The following VCL variants were observed in gnomAD, a reference collection of about 807,000 sequenced individuals.
VCL encodes epididymis luminal protein 114.
Under a neutral mutation model 125.7 loss-of-function variants are expected in VCL, and 47 were observed. The ratio of observed to expected loss-of-function variants is 0.37; its 90% CI spans 0.30 to 0.48. The LOEUF (loss-of-function observed/expected upper bound fraction) is 0.48. Ranked by LOEUF, VCL falls within the 20% of genes least tolerant of loss-of-function variation. The pLI, the probability that VCL is intolerant of heterozygous loss-of-function variation, is 0.99. For missense variants in VCL, 1,069 were observed against 1,455.5 expected (o/e 0.73, Z 4.32); for synonymous variants, 458 against 514.6 (o/e 0.89, Z 1.49).
chr10:74,082,327 TA>T (rs1253319750), intron 6 of VCL, 126 bp from the exon 7 acceptor site: 3 of 904,458 alleles, frequency 3.3e-6, no homozygotes, highest in South Asian at 2.8e-5. Flanking sequence ...ACAATATTTT[TA>T]AGGCCTTCGT....
In VCL at chr10:74,114,259, A is replaced by G; in HGVS notation, c.3025A>G (p.Ser1009Gly). The G allele has an allele frequency of 5.0e-6, 8 of 1,614,114 alleles. No individual in the cohort carries two copies. The highest frequency in any genetic ancestry group is 6.8e-6 in the Non-Finnish European group (8 of 1,180,024). Residue 1009 changes from serine to glycine, a missense_variant, in exon 20 of 22, where the codon AGT (serine) becomes GGT (glycine). Coordinates refer to ENST00000211998, the MANE Select transcript of VCL (RefSeq NM_014000.3). ...GATGTCTCGGCTGGTAAGAGGGGGC[A>G]GTGGTACCAAGCGGGCACTCATTCA... ...AEMSRLVRGG[S>G]GTKRALIQCA...
chr10:74,110,134 G>A (rs2131934918), intron 18 of VCL, among the ~76,000 whole-genome samples: 1 of 152,228 alleles, frequency 6.6e-6, no homozygotes, highest in African/African-American at 2.4e-5. Flanking sequence ...AGACTTTGCT[G>A]GTGTTGGACC....
At chr10:74,084,908 G>A (rs896802619) in intron 8 of VCL, among the ~76,000 whole-genome samples, 4 of 151,980 alleles carry the variant, frequency 2.6e-5, no homozygotes, top group African/African-American at 9.7e-5. Flanking sequence ...CACCATGCCC[G>A]GCCAAATTTT....
intron 8 of VCL, among the ~76,000 whole-genome samples, chr10:74,088,402 G>A (rs1839822327): frequency 6.6e-6 from 1 of 152,136 alleles, no homozygotes; most frequent in African/African-American, 2.4e-5. Context: ...CTATCACCAT[G>A]TGCTCAGTAT....
intron 1 of VCL, among the ~76,000 whole-genome samples, chr10:74,032,098 G>A (rs1275120563): frequency 2.0e-5 from 3 of 146,524 alleles, no homozygotes; most frequent in Non-Finnish European, 4.5e-5. Flanking sequence ...AAAAAGCCGG[G>A]TGTGGTTGTA....
intron 13 of VCL, among the ~76,000 whole-genome samples, chr10:74,100,713 G>A (rs184315375): frequency 1.6e-4 from 25 of 152,202 alleles, no homozygotes; most frequent in Middle Eastern, 3.4e-3. Flanking sequence ...GGTTATGTGC[G>A]TGTGTGTGTG....
In VCL at chr10:74,105,177, C is replaced by A. The variant is rs1172828725; in HGVS notation, c.2258C>A (p.Ala753Glu). 1 of 1,614,004 alleles carries A rather than the reference C, an allele frequency of 6.2e-7. No individual in the cohort carries two copies. The highest frequency in any genetic ancestry group is 8.5e-7 in the Non-Finnish European group (1 of 1,180,034). The change falls in exon 16 of 22, where the codon GCA becomes GAA. Residue 753 changes from alanine to glutamate, a missense_variant. Coordinates refer to ENST00000211998, the MANE Select transcript of VCL (RefSeq NM_014000.3). ...CAGCCTCAGATGCTGGTTGCTGGGG[C>A]AACCAGTATTGCTCGTCGGGCCAAC... ...NIQPQMLVAG[A>E]TSIARRANRI...
chr10:74,072,598 G>T (rs1841678142), intron 4 of VCL, 132 bp from the exon 5 acceptor site: 6 of 1,269,326 alleles, frequency 4.7e-6, no homozygotes, highest in South Asian at 1.3e-5. Context: ...GTTCAGTGAT[G>T]GTGTCTGTTG....
intron 1 of VCL, among the ~76,000 whole-genome samples, chr10:74,007,688 G>T (rs1840345405): frequency 6.6e-6 from 1 of 151,712 alleles, no homozygotes; most frequent in Admixed American, 6.6e-5. Context: ...TAGAGACAGG[G>T]TTTTACCATG....
chr10:73,998,928 C>T (rs778416494), intron 1 of VCL, among the ~76,000 whole-genome samples: 20 of 152,186 alleles, frequency 1.3e-4, no homozygotes, highest in Non-Finnish European at 2.4e-4. Flanking sequence ...CGCCCACCCC[C>T]GCTCCCCAGA....
At chr10:74,067,378 TAAA>T (rs571897797) in intron 2 of VCL, among the ~76,000 whole-genome samples, 4 of 145,030 alleles carry the variant, frequency 2.8e-5, no homozygotes, top group African/African-American at 1.0e-4. Context: ...GGCTTTTATT[TAAA>T]AAAAAAAAAA....
At chr10:74,098,105 A>G (rs1170149485) in intron 13 of VCL, among the ~76,000 whole-genome samples, 1 of 151,546 alleles carries the variant, frequency 6.6e-6, no homozygotes, top group Non-Finnish European at 1.5e-5. Flanking sequence ...GTGTGGTACC[A>G]CTCTTCCCCC....
At position 74,112,016 on chromosome 10, in the gene VCL, T is replaced by C; in HGVS notation, c.2853T>C (p.Pro951=). 6.2e-7 allele frequency: 1 copy of C among 1,614,226 alleles called. No homozygotes were observed. Among genetic ancestry groups the C allele is most frequent in the Non-Finnish European group, 8.5e-7 (1 of 1,180,044 alleles). ...VPPDMEDDYE[P]ELLLMPSNQP... ...CTGACATGGAAGACGATTACGAACC[T>C]GAGCTGCTGTTAATGCCATCCAATC... Residue 951 remains proline (P), a synonymous_variant, in exon 19 of 22, where the codon CCT becomes CCC. Transcript: ENST00000211998.
intron 2 of VCL, among the ~76,000 whole-genome samples, chr10:74,068,140 C>T (rs1171533322): frequency 1.3e-5 from 2 of 152,186 alleles, no homozygotes; most frequent in Non-Finnish European, 2.9e-5. Flanking sequence ...AAAAATTATA[C>T]ATATGCATAC....
At chr10:74,084,095 G>A (rs1839727145) in intron 8 of VCL, among the ~76,000 whole-genome samples, 1 of 151,890 alleles carries the variant, frequency 6.6e-6, no homozygotes, top group Non-Finnish European at 1.5e-5. Context: ...TTGAACTCCT[G>A]ACCTCGTGAT....
chr10:74,068,303 TTTTC>T (rs1396341952), intron 2 of VCL, among the ~76,000 whole-genome samples: 2 of 152,166 alleles, frequency 1.3e-5, no homozygotes, highest in African/African-American at 4.8e-5. Flanking sequence ...CTTTATGTAC[TTTTC>T]TTTCTTTTTT....
At chr10:74,088,133 C>G (rs76974852) in intron 8 of VCL, among the ~76,000 whole-genome samples, 2,964 of 152,338 alleles carry the variant, frequency 0.019, 32 homozygotes, top group Non-Finnish European at 0.029. Context: ...CCATGCCATT[C>G]TACCAAATGG....
chr10:74,095,451 T>C (rs1195226835), intron 11 of VCL, among the ~76,000 whole-genome samples: 1 of 152,022 alleles, frequency 6.6e-6, no homozygotes. Context: ...TAGCCAGGTA[T>C]GGTGGTGCAC....
chr10:74,082,945 GA>G (rs1839701373), intron 7 of VCL, among the ~76,000 whole-genome samples: 1 of 152,194 alleles, frequency 6.6e-6, no homozygotes, highest in Non-Finnish European at 1.5e-5. Flanking sequence ...TTGGAAAGTT[GA>G]CTGTATAAAG....
Sources: gnomAD v4.1 joint callset for allele counts (sites outside exome capture counted in the v4.1 genomes callset) on GRCh38, gnomAD v4.1.1 for gene constraint, MANE v1.5 for transcripts, NCBI Gene and HGNC (gene_info 2026-07-23, HGNC 2026-07-21) for gene names.